REDIC1: variants seen among roughly 807,000 people sequenced by gnomAD.
REDIC1 encodes the protein HEI10 Interacting Protein 1.
At chr12:39,677,155 T>A in the REDIC1 span, among the ~76,000 whole-genome samples, 1 of 152,098 alleles carries the variant, frequency 6.6e-6, no homozygotes, top group Admixed American at 6.5e-5. Flanking sequence ...AGTGTCAGAA[T>A]GAATAAAAAT....
At chr12:39,723,831 A>G in the REDIC1 span, among the ~76,000 whole-genome samples, 22 of 152,238 alleles carry the variant, frequency 1.4e-4, no homozygotes, top group Admixed American at 3.9e-4. Flanking sequence ...CTGTAATAAG[A>G]TGAGAGGCTA....
the REDIC1 span, among the ~76,000 whole-genome samples, chr12:39,649,226 T>C: frequency 9.9e-4 from 151 of 152,002 alleles, no homozygotes; most frequent in African/African-American, 3.6e-3. Context: ...TTTTCAATCA[T>C]AGTGTCACAT....
chr12:39,818,926 C>T, the REDIC1 span, among the ~76,000 whole-genome samples: 1 of 152,096 alleles, frequency 6.6e-6, no homozygotes, highest in Non-Finnish European at 1.5e-5. Flanking sequence ...TGCCTGTTTC[C>T]TAAGCCAATT....
the REDIC1 span, among the ~76,000 whole-genome samples, chr12:39,729,534 T>C: frequency 2.0e-5 from 3 of 152,240 alleles, no homozygotes; most frequent in Non-Finnish European, 4.4e-5. Context: ...CTGTTTGTTA[T>C]GATTTCCATT....
the REDIC1 span, among the ~76,000 whole-genome samples, chr12:39,629,591 A>G: frequency 6.6e-6 from 1 of 152,308 alleles, no homozygotes; most frequent in Non-Finnish European, 1.5e-5. Flanking sequence ...AGTCATATAT[A>G]AAATGTCTTT....
At chr12:39,806,868 C>T in the REDIC1 span, among the ~76,000 whole-genome samples, 1 of 152,076 alleles carries the variant, frequency 6.6e-6, no homozygotes, top group Non-Finnish European at 1.5e-5. Flanking sequence ...CTGATATATT[C>T]ATACTATACA....
chr12:39,687,808 T>C, the REDIC1 span, among the ~76,000 whole-genome samples: 1 of 152,238 alleles, frequency 6.6e-6, no homozygotes, highest in Non-Finnish European at 1.5e-5. Context: ...CTTGCCATCA[T>C]AAGGGTGTAA....
the REDIC1 span, among the ~76,000 whole-genome samples, chr12:39,825,725 C>T: frequency 6.6e-6 from 1 of 152,070 alleles, no homozygotes; most frequent in East Asian, 1.9e-4. Flanking sequence ...ATTAGTATTG[C>T]AAGAGGTTTC....
the REDIC1 span, chr12:39,648,122 T>C: frequency 1.8e-6 from 1 of 554,104 alleles, no homozygotes. Context: ...TTCATTCCCT[T>C]TACATCAAAA....
At chr12:39,896,392 GTA>G in the REDIC1 span, among the ~76,000 whole-genome samples, 1 of 134,210 alleles carries the variant, frequency 7.5e-6, no homozygotes, top group Non-Finnish European at 1.6e-5. Context: ...ATGTATATGT[GTA>G]TATATGTATA....
At chr12:39,835,343 T>C in the REDIC1 span, among the ~76,000 whole-genome samples, 3 of 152,088 alleles carry the variant, frequency 2.0e-5, no homozygotes, top group Admixed American at 6.6e-5. Context: ...ACCTTAACAG[T>C]GTAAAAACCT....
the REDIC1 span, among the ~76,000 whole-genome samples, chr12:39,671,662 A>C: frequency 6.6e-6 from 1 of 151,880 alleles, no homozygotes; most frequent in South Asian, 2.1e-4. Flanking sequence ...TGTTGGTGAT[A>C]GTGGTAGCTT....
At chr12:39,710,315 CA>C in the REDIC1 span, among the ~76,000 whole-genome samples, 1 of 151,908 alleles carries the variant, frequency 6.6e-6, no homozygotes, top group East Asian at 1.9e-4. Context: ...AACAGATACA[CA>C]AAAGTTTTAA....
At chr12:39,864,831 T>G in the REDIC1 span, 1 of 1,614,000 alleles carries the variant, frequency 6.2e-7, no homozygotes, top group Non-Finnish European at 8.5e-7. Flanking sequence ...TGGGGAAACT[T>G]GGGCTGATAG....
At chr12:39,712,333 T>C in the REDIC1 span, among the ~76,000 whole-genome samples, 1 of 110,472 alleles carries the variant, frequency 9.1e-6, no homozygotes, top group East Asian at 2.5e-4. Flanking sequence ...CATATGTTTA[T>C]ATACCTGTAT....
chr12:39,743,906 G>A, the REDIC1 span, among the ~76,000 whole-genome samples: 1 of 152,108 alleles, frequency 6.6e-6, no homozygotes, highest in East Asian at 1.9e-4. Context: ...AAGACAGAAA[G>A]GAACAGAAGA....
At chr12:39,664,461 G>A in the REDIC1 span, among the ~76,000 whole-genome samples, 12 of 151,900 alleles carry the variant, frequency 7.9e-5, no homozygotes, top group East Asian at 1.7e-3. Flanking sequence ...ACATTTTCTT[G>A]ATCCAGTCTA....
the REDIC1 span, among the ~76,000 whole-genome samples, chr12:39,896,450 G>A: frequency 8.6e-4 from 97 of 112,832 alleles, 1 homozygote; most frequent in African/African-American, 2.3e-3. Flanking sequence ...ATATGTATAT[G>A]TGTGTATATA....
At chr12:39,821,682 C>T in the REDIC1 span, among the ~76,000 whole-genome samples, 1 of 152,132 alleles carries the variant, frequency 6.6e-6, no homozygotes, top group Non-Finnish European at 1.5e-5. Context: ...GAAAAGAGGA[C>T]GTGGCAAATC....
Sources: gnomAD v4.1 joint callset for allele counts (sites outside exome capture counted in the v4.1 genomes callset) on GRCh38, gnomAD v4.1.1 for gene constraint, MANE v1.5 for transcripts, NCBI Gene and HGNC (gene_info 2026-07-23, HGNC 2026-07-21) for gene names.